Variants in CPHXL2 observed in about 807,000 individuals in gnomAD.
The protein encoded by CPHXL2 is cytoplasmic polyadenylated homeobox like 2.
At chr16:75,672,981 G>A in the CPHXL2 span, among the ~76,000 whole-genome samples, 2 of 149,692 alleles carry the variant, frequency 1.3e-5, no homozygotes, top group African/African-American at 2.5e-5. Context: ...TCCTGAGGCT[G>A]AGGTGTTTGC....
the CPHXL2 span, among the ~76,000 whole-genome samples, chr16:75,671,642 G>T: frequency 6.6e-6 from 1 of 152,112 alleles, no homozygotes; most frequent in African/African-American, 2.4e-5. Flanking sequence ...AACATAGGCT[G>T]ATTGAAAACA....
chr16:75,674,845 G>A, the CPHXL2 span, among the ~76,000 whole-genome samples: 3 of 151,766 alleles, frequency 2.0e-5, no homozygotes, highest in Admixed American at 1.3e-4. Flanking sequence ...GAATAGCTGG[G>A]AGTACTGGCG....
At chr16:75,671,973 T>TA in the CPHXL2 span, among the ~76,000 whole-genome samples, 3 of 151,908 alleles carry the variant, frequency 2.0e-5, no homozygotes, top group South Asian at 2.1e-4. Context: ...TGGGACATGC[T>TA]AAAAAACTCA....
the CPHXL2 span, among the ~76,000 whole-genome samples, chr16:75,668,835 T>A: frequency 6.6e-6 from 1 of 152,206 alleles, no homozygotes; most frequent in African/African-American, 2.4e-5. Flanking sequence ...CTATTTTCTT[T>A]TTTTAAATTT....
chr16:75,668,662 C>A, the CPHXL2 span, among the ~76,000 whole-genome samples: 3 of 152,130 alleles, frequency 2.0e-5, no homozygotes, highest in African/African-American at 7.2e-5. Context: ...CTCTCATGTC[C>A]TTAAAACCAT....
the CPHXL2 span, among the ~76,000 whole-genome samples, chr16:75,671,635 A>G: frequency 2.0e-5 from 3 of 152,312 alleles, no homozygotes; most frequent in East Asian, 5.8e-4. Context: ...AAAGCACAAC[A>G]TAGGCTGATT....
chr16:75,669,354 T>A, the CPHXL2 span: 4 of 400,468 alleles, frequency 1.0e-5, no homozygotes, highest in African/African-American at 8.2e-5. Flanking sequence ...CATACGAGGT[T>A]GAACTTACGT....
At chr16:75,666,142 G>C in the CPHXL2 span, among the ~76,000 whole-genome samples, 1 of 152,064 alleles carries the variant, frequency 6.6e-6, no homozygotes, top group African/African-American at 2.4e-5. Context: ...TTTTTTATCA[G>C]ACAACACAAA....
chr16:75,660,681 C>A, the CPHXL2 span: 13 of 398,556 alleles, frequency 3.3e-5, no homozygotes, highest in African/African-American at 2.1e-4. Flanking sequence ...CCCGTAAGCA[C>A]CTTGAGCGTA....
the CPHXL2 span, among the ~76,000 whole-genome samples, chr16:75,663,421 C>T: frequency 2.5e-4 from 38 of 152,130 alleles, no homozygotes; most frequent in Non-Finnish European, 5.0e-4. Flanking sequence ...AAATACAATT[C>T]TAAGGCCCCC....
At chr16:75,664,075 G>GA in the CPHXL2 span, among the ~76,000 whole-genome samples, 1 of 152,128 alleles carries the variant, frequency 6.6e-6, no homozygotes, top group Non-Finnish European at 1.5e-5. Context: ...CTACCAATCA[G>GA]AAAATCTCTG....
chr16:75,670,167 G>A, the CPHXL2 span, among the ~76,000 whole-genome samples: 2 of 152,176 alleles, frequency 1.3e-5, no homozygotes, highest in Non-Finnish European at 2.9e-5. Context: ...GCCTGCCTTG[G>A]CTTCCCAAAG....
At chr16:75,672,802 T>C in the CPHXL2 span, among the ~76,000 whole-genome samples, 1 of 152,250 alleles carries the variant, frequency 6.6e-6, no homozygotes, top group South Asian at 2.1e-4. Context: ...CCCAGCACTT[T>C]GGGAGGCTGA....
the CPHXL2 span, among the ~76,000 whole-genome samples, chr16:75,664,281 CA>C: frequency 6.6e-6 from 1 of 152,200 alleles, no homozygotes; most frequent in East Asian, 1.9e-4. Context: ...TTAACCTTGA[CA>C]AAACTTTCTA....
the CPHXL2 span, among the ~76,000 whole-genome samples, chr16:75,673,336 G>C: frequency 6.6e-6 from 1 of 151,944 alleles, no homozygotes; most frequent in Non-Finnish European, 1.5e-5. Context: ...TTGGGAGGCT[G>C]AGGTGGGAAG....
chr16:75,675,444 G>A, the CPHXL2 span, among the ~76,000 whole-genome samples: 2 of 152,116 alleles, frequency 1.3e-5, no homozygotes, highest in Non-Finnish European at 2.9e-5. Context: ...CAACAAAGGT[G>A]TCAAAATAAT....
the CPHXL2 span, among the ~76,000 whole-genome samples, chr16:75,666,391 A>T: frequency 1.3e-5 from 2 of 152,066 alleles, no homozygotes; most frequent in Non-Finnish European, 2.9e-5. Context: ...AGGCTGAGGC[A>T]GTCAGATCAC....
the CPHXL2 span, chr16:75,661,125 GCCTGGGTTT>G: frequency 3.5e-5 from 14 of 400,730 alleles, no homozygotes; most frequent in Non-Finnish European, 4.4e-5. Flanking sequence ...GGAAGCTGCA[GCCTGGGTTT>G]CCTGGAGGCT....
At chr16:75,672,021 C>T in the CPHXL2 span, among the ~76,000 whole-genome samples, 1 of 151,964 alleles carries the variant, frequency 6.6e-6, no homozygotes, top group East Asian at 1.9e-4. Context: ...CCTGTAATCC[C>T]AGCACTTTGG....
Sources: allele counts gnomAD v4.1 joint callset (sites outside exome capture counted in the v4.1 genomes callset), GRCh38; gene constraint gnomAD v4.1.1; transcripts MANE v1.5; gene names NCBI Gene and HGNC (gene_info 2026-07-23, HGNC 2026-07-21).